The following WDR72 variants were observed in gnomAD, a reference collection of about 807,000 sequenced individuals.
WDR72 encodes the protein WD repeat domain 72.
In WDR72, 120 loss-of-function variants were observed where a neutral mutation model predicts 124.2. The ratio of observed to expected loss-of-function variants is 0.97; its 90% CI spans 0.83 to 1.12. The LOEUF (loss-of-function observed/expected upper bound fraction) is 1.12. WDR72 is among the 50% of genes most tolerant of loss of function. The pLI is 0.00. For missense variants in WDR72, 1,387 were observed against 1,278.8 expected (o/e 1.08, Z -1.29); for synonymous variants, 452 against 441.7 (o/e 1.02, Z -0.29).
intron 13 of WDR72, among the ~76,000 whole-genome samples, chr15:53,689,968 A>G (rs1181568280): frequency 6.6e-6 from 1 of 150,434 alleles, no homozygotes; most frequent in Admixed American, 6.6e-5. Context: ...TCGCAAGAAC[A>G]AAAAACCAAA....
chr15:53,541,388 T>C (rs57695612), intron 18 of WDR72, among the ~76,000 whole-genome samples: 5,704 of 150,724 alleles, frequency 0.038, 174 homozygotes, highest in African/African-American at 0.077. Context: ...GGCACACTGA[T>C]ACCTCACAAG....
In WDR72 at chr15:53,706,373, T is replaced by TATATATATATATAC. The variant is rs1567040210; in HGVS notation, c.955-300_955-299insGTATATATATATAT. ...GTGTATATATATATATATATATATA[T>TATATATATATATAC]ATATATATATATATATATATATGGC... On this transcript the variant is annotated intron_variant, in intron 9 of 19. Coordinates refer to ENST00000360509, the MANE Select transcript of WDR72 (RefSeq NM_182758.4). Among the ~76,000 whole-genome samples the TATATATATATATAC allele has an allele frequency of 3.5e-3, 239 of 67,332 alleles. 2 individuals carry two copies. The highest frequency in any genetic ancestry group is 0.013 in the African/African-American group (218 of 16,592). The allele number at this position is 67,332 out of a possible 152,430, so 44.2% of individuals were successfully genotyped here. A position where few individuals can be genotyped will look rare whatever the true frequency, so the allele number is the denominator to read the frequency against.
At chr15:53,710,776 G>T in intron 9 of WDR72, 81 bp downstream of exon 9, 1 of 1,193,400 alleles carries the variant, frequency 8.4e-7, no homozygotes, top group Non-Finnish European at 1.2e-6. Flanking sequence ...TTTCAAGCCT[G>T]ATTCTGTGAC....
intron 10 of WDR72, 117 bp downstream of exon 10, chr15:53,705,810 T>C (rs2017335707): frequency 5.2e-6 from 6 of 1,158,162 alleles, no homozygotes; most frequent in Non-Finnish European, 6.4e-6. Flanking sequence ...TAATACGTAG[T>C]AGTACACAAT....
At chr15:53,679,169 G>A (rs943987075) in intron 13 of WDR72, among the ~76,000 whole-genome samples, 4 of 152,146 alleles carry the variant, frequency 2.6e-5, no homozygotes, top group Admixed American at 1.3e-4. Context: ...AGGACAAATG[G>A]GGCATTACTG....
intron 2 of WDR72, 105 bp from the exon 3 acceptor site, chr15:53,723,013 T>C (rs2017922462): frequency 6.3e-6 from 7 of 1,109,974 alleles, no homozygotes; most frequent in Non-Finnish European, 9.5e-6. Context: ...CTGTTGTTTT[T>C]GTTGTATACA....
intron 1 of WDR72, among the ~76,000 whole-genome samples, chr15:53,750,796 G>A (rs150169619): frequency 2.6e-4 from 39 of 152,262 alleles, no homozygotes; most frequent in African/African-American, 8.9e-4. Flanking sequence ...GGAAGTAACT[G>A]CAGACGTGGT....
At chr15:53,753,849 A>T (rs1254259954) in intron 1 of WDR72, among the ~76,000 whole-genome samples, 1 of 152,188 alleles carries the variant, frequency 6.6e-6, no homozygotes, top group Non-Finnish European at 1.5e-5. Context: ...TAATCCACAC[A>T]TCTACCATTA....
chr15:53,697,158 T>C (rs2140514407), intron 13 of WDR72, among the ~76,000 whole-genome samples: 1 of 152,350 alleles, frequency 6.6e-6, no homozygotes, highest in East Asian at 1.9e-4. Context: ...AAACTTTTTA[T>C]AGAAAATAGT....
chr15:53,690,471 G>A (rs1464631157), intron 13 of WDR72, among the ~76,000 whole-genome samples: 3 of 152,024 alleles, frequency 2.0e-5, no homozygotes, highest in African/African-American at 7.2e-5. Flanking sequence ...GACAACCACC[G>A]ATCTGCTTTC....
At chr15:53,758,239 G>C (rs965796912) in intron 1 of WDR72, among the ~76,000 whole-genome samples, 1 of 152,090 alleles carries the variant, frequency 6.6e-6, no homozygotes, top group Non-Finnish European at 1.5e-5. Context: ...GAGCTCAAGC[G>C]ATCCACCTAC....
In WDR72 at chr15:53,702,217, T is replaced by C. The variant is rs774713711; in HGVS notation, c.1486A>G (p.Ile496Val). ...TTATGCAAAATTTCTTCAGTAAAGA[T>C]ATCCCACAAGATCACACATGAGTCC... ...DLDSCVILWDIFTEEILHKFF... is the reference protein window; with the variant it reads ...DLDSCVILWDVFTEEILHKFF... The change falls in exon 12 of 20, where the codon ATC becomes GTC. Residue 496 changes from isoleucine to valine, a missense_variant. Transcript: ENST00000360509. 9 of 1,614,164 alleles carry C rather than the reference T, an allele frequency of 5.6e-6. No homozygotes were observed. The East Asian group carries it at 6.7e-5, about 12-fold the overall frequency.
At chr15:53,688,155 G>C (rs1168694717) in intron 13 of WDR72, among the ~76,000 whole-genome samples, 1 of 150,760 alleles carries the variant, frequency 6.6e-6, no homozygotes, top group Non-Finnish European at 1.5e-5. Context: ...AGTGGCACAA[G>C]ACAGGGATGC....
intron 18 of WDR72, among the ~76,000 whole-genome samples, chr15:53,568,443 C>G (rs2140302061): frequency 6.6e-6 from 1 of 152,050 alleles, no homozygotes; most frequent in East Asian, 1.9e-4. Context: ...GAGCTCACCA[C>G]TTAATGAGGC....
chr15:53,710,515 G>A (rs2459379), intron 9 of WDR72, among the ~76,000 whole-genome samples: 57,877 of 151,868 alleles, frequency 0.38, 12,410 homozygotes, highest in Middle Eastern at 0.6. Flanking sequence ...ATCAAAATAG[G>A]TAAATACATA....
At chr15:53,540,571 G>GAA (rs5812690) in intron 18 of WDR72, among the ~76,000 whole-genome samples, 44,778 of 134,804 alleles carry the variant, frequency 0.33, 7,729 homozygotes, top group East Asian at 0.47. Context: ...AAGGAAGAAA[G>GAA]AAAAAAAAAA....
At chr15:53,632,584 C>T (rs2014473393) in intron 14 of WDR72, among the ~76,000 whole-genome samples, 1 of 152,158 alleles carries the variant, frequency 6.6e-6, no homozygotes, top group African/African-American at 2.4e-5. Context: ...GGTAGATTCA[C>T]CAGTAGCTTG....
intron 18 of WDR72, among the ~76,000 whole-genome samples, chr15:53,563,947 G>A (rs1197124575): frequency 1.3e-5 from 2 of 151,774 alleles, no homozygotes; most frequent in African/African-American, 4.8e-5. Context: ...ATTGTTGTCC[G>A]CTGAATTACA....
At chr15:53,639,269 C>T (rs2014742742) in intron 14 of WDR72, among the ~76,000 whole-genome samples, 1 of 151,902 alleles carries the variant, frequency 6.6e-6, no homozygotes. Context: ...ATGTGGACGA[C>T]TCAACAGCGA....
Sources: allele counts gnomAD v4.1 joint callset (sites outside exome capture counted in the v4.1 genomes callset), GRCh38; gene constraint gnomAD v4.1.1; transcripts MANE v1.5; gene names NCBI Gene and HGNC (gene_info 2026-07-23, HGNC 2026-07-21).